The following CYP19A1 variants were observed in gnomAD, a reference collection of about 807,000 sequenced individuals.
CYP19A1 encodes the protein aromatase.
CYP19A1 carries 32 observed loss-of-function variants against 44.4 expected under a neutral mutation model. That is an observed-to-expected ratio of 0.72 (90% CI 0.54 to 0.97). The LOEUF is 0.97. Among genes scored for constraint, CYP19A1 ranks in the 50% least tolerant of loss-of-function variants. The pLI, the probability that CYP19A1 is intolerant of heterozygous loss-of-function variation, is 0.00. For synonymous variants in CYP19A1, 212 were observed against 215.6 expected (o/e 0.98, Z 0.14); for missense variants, 598 against 637.8 (o/e 0.94, Z 0.67).
At chr15:51,274,179 C>A (rs950121272) in intron 1 of CYP19A1, among the ~76,000 whole-genome samples, 1 of 152,142 alleles carries the variant, frequency 6.6e-6, no homozygotes, top group African/African-American at 2.4e-5. Flanking sequence ...GTACCACACA[C>A]CAGGCAAGAA....
At chr15:51,291,697 T>G (rs2035850310) in intron 1 of CYP19A1, among the ~76,000 whole-genome samples, 3 of 152,186 alleles carry the variant, frequency 2.0e-5, no homozygotes, top group African/African-American at 7.2e-5. Flanking sequence ...CTGAGATGAC[T>G]CTGGGAGTCT....
chr15:51,280,033 C>A (rs548726885), intron 1 of CYP19A1: 2 of 152,290 alleles, frequency 1.3e-5, no homozygotes, highest in South Asian at 4.1e-4. Context: ...ATCCTAGACC[C>A]CATGTGACTG....
At chr15:51,306,378 G>A (rs2036215928) in intron 1 of CYP19A1, among the ~76,000 whole-genome samples, 1 of 151,962 alleles carries the variant, frequency 6.6e-6, no homozygotes, top group African/African-American at 2.4e-5. Flanking sequence ...TTTTTGGAAG[G>A]GTGACAGCAG....
chr15:51,234,982 A>G (rs1242242045), intron 3 of CYP19A1, among the ~76,000 whole-genome samples: 1 of 152,044 alleles, frequency 6.6e-6, no homozygotes, highest in Non-Finnish European at 1.5e-5. Flanking sequence ...GAAAGAGGTG[A>G]TGGGGAAGGC....
At chr15:51,326,238 T>A (rs1005655316) in intron 1 of CYP19A1, among the ~76,000 whole-genome samples, 1 of 152,238 alleles carries the variant, frequency 6.6e-6, no homozygotes, top group Admixed American at 6.5e-5. Context: ...TTTTTCTTAC[T>A]GAGCACTGTC....
chr15:51,292,410 C>T (rs2035868378), intron 1 of CYP19A1, among the ~76,000 whole-genome samples: 1 of 152,200 alleles, frequency 6.6e-6, no homozygotes, highest in Non-Finnish European at 1.5e-5. Context: ...CCAGTCCAGT[C>T]CTCCACTCCC....
At chr15:51,316,997 G>T (rs1478904086) in intron 1 of CYP19A1, among the ~76,000 whole-genome samples, 2 of 152,136 alleles carry the variant, frequency 1.3e-5, no homozygotes, top group Non-Finnish European at 2.9e-5. Flanking sequence ...CAAGAGTGCT[G>T]GTGTGGCAAG....
intron 1 of CYP19A1, among the ~76,000 whole-genome samples, chr15:51,275,982 T>G (rs2140961938): frequency 6.6e-6 from 1 of 152,328 alleles, no homozygotes; most frequent in Middle Eastern, 3.4e-3. Context: ...CAAGTTTGTC[T>G]AGGACTTTTA....
chr15:51,317,097 A>T (rs2036440037), intron 1 of CYP19A1, among the ~76,000 whole-genome samples: 4 of 150,220 alleles, frequency 2.7e-5, no homozygotes. Flanking sequence ...TAAGGGAAAA[A>T]TCACTTCTTT....
At position 51,236,940 on chromosome 15, in the gene CYP19A1, C is replaced by T; in HGVS notation, c.215G>A (p.Ser72Asn). The T allele has an allele frequency of 6.2e-7, 1 of 1,614,218 alleles. No individual in the cohort carries two copies. Among genetic ancestry groups the T allele is most frequent in the Non-Finnish European group, 8.5e-7 (1 of 1,180,038 alleles). Residue 72 changes from serine to asparagine, a missense_variant, in exon 3 of 10, where the codon AGT (serine) becomes AAT (asparagine). Coordinates refer to ENST00000396402, the MANE Select transcript of CYP19A1 (RefSeq NM_000103.4). ...HGRFLWMGIGSACNYYNRVYG... is the reference protein window; with the variant it reads ...HGRFLWMGIGNACNYYNRVYG... ...TACCCGGTTGTAGTAGTTGCAGGCA[C>T]TGCCGATCCCCATCCACAGGAATCT...
chr15:51,218,480 A>T, intron 6 of CYP19A1, 61 bp downstream of exon 6: 1 of 1,557,880 alleles, frequency 6.4e-7, no homozygotes, highest in Non-Finnish European at 8.7e-7. Flanking sequence ...AACAGCAAAG[A>T]CACAAGGGAA....
At chr15:51,325,155 T>C (rs1049795083) in intron 1 of CYP19A1, among the ~76,000 whole-genome samples, 3 of 152,044 alleles carry the variant, frequency 2.0e-5, no homozygotes, top group African/African-American at 7.2e-5. Flanking sequence ...TGAGGCCAGC[T>C]TGGGCAAGAA....
intron 1 of CYP19A1, among the ~76,000 whole-genome samples, chr15:51,287,369 A>T (rs1304078092): frequency 6.6e-6 from 1 of 152,160 alleles, no homozygotes; most frequent in Admixed American, 6.5e-5. Flanking sequence ...GAACCTTGAT[A>T]CCTGTGTTCT....
At chr15:51,266,782 CG>C (rs1401136168) in intron 1 of CYP19A1, among the ~76,000 whole-genome samples, 1 of 152,202 alleles carries the variant, frequency 6.6e-6, no homozygotes, top group Non-Finnish European at 1.5e-5. Context: ...GGGCAGGGCA[CG>C]GAAAGCCTTC....
chr15:51,294,274 C>T (rs2035923232), intron 1 of CYP19A1, among the ~76,000 whole-genome samples: 1 of 143,976 alleles, frequency 6.9e-6, no homozygotes, highest in South Asian at 2.3e-4. Context: ...TGAGGAGCGT[C>T]TCTGCCCGGC....
chr15:51,294,286 G>A (rs1277516220), intron 1 of CYP19A1, among the ~76,000 whole-genome samples: 10 of 143,804 alleles, frequency 7.0e-5, no homozygotes, highest in Middle Eastern at 3.8e-3. Context: ...CTGCCCGGCC[G>A]CCCATCGTCT....
Position 51,215,821 on chromosome 15 carries a change from G to GA in CYP19A1, c.744-5dup. On this transcript the variant is annotated splice_polypyrimidine_tract_variant and splice_region_variant and intron_variant, in intron 6 of 9. Coordinates refer to ENST00000396402, the MANE Select transcript of CYP19A1 (RefSeq NM_000103.4). ...TATGGCATCTTTCAAATCCTTGCTG[G>GA]AAAAAAAGTCAAAATATTGTCTATT... 2.5e-6 allele frequency: 4 copies of GA among 1,613,296 alleles called. No homozygotes were observed. The highest frequency in any genetic ancestry group is 2.2e-5 in the South Asian group (2 of 91,074).
chr15:51,290,943 A>G lies in CYP19A1; in HGVS notation c.-39+47552T>C, dbSNP rs118075646. Among the ~76,000 whole-genome samples the G allele has an allele frequency of 3.0e-3, 452 of 152,232 alleles. 5 individuals carry two copies. The South Asian group carries it at 0.042, about 14-fold the overall frequency. On this transcript the variant is annotated intron_variant, in intron 1 of 9. Transcript: ENST00000396402. ...AATGCCCAAGTACAGGTGAAGCCCCATTTCACGTTGAGCATCATTATGGCC... is the reference window on the plus strand; with the variant it reads ...AATGCCCAAGTACAGGTGAAGCCCCGTTTCACGTTGAGCATCATTATGGCC...
At chr15:51,255,605 G>T (rs2141152301) in intron 1 of CYP19A1, 1 of 152,316 alleles carries the variant, frequency 6.6e-6, no homozygotes, top group African/African-American at 2.4e-5. Context: ...GCCCTTAACT[G>T]CTGGAATGGA....
Sources: gnomAD v4.1 joint callset for allele counts (sites outside exome capture counted in the v4.1 genomes callset) on GRCh38, gnomAD v4.1.1 for gene constraint, MANE v1.5 for transcripts, NCBI Gene and HGNC (gene_info 2026-07-23, HGNC 2026-07-21) for gene names.